The following COL6A5 variants were observed in gnomAD, a reference collection of about 807,000 sequenced individuals.
The protein encoded by COL6A5 is collagen type VI alpha 5 chain, also known as collagen alpha-5(VI) chain.
Under a neutral mutation model 65.6 loss-of-function variants are expected in COL6A5, and 48 were observed. That is an observed-to-expected ratio of 0.73 (90% CI 0.58 to 0.93). The LOEUF (loss-of-function observed/expected upper bound fraction) is 0.93. Among genes scored for constraint, COL6A5 ranks in the 40% least tolerant of loss-of-function variants. The probability of loss-of-function intolerance (pLI) is 0.00; values close to 1 mark genes in which losing one functional copy is unlikely to be tolerated. For synonymous variants in COL6A5, 291 were observed against 322.8 expected (o/e 0.90, Z 1.05); for missense variants, 914 against 928.3 (o/e 0.98, Z 0.20).
At chr3:130,473,331 A>G (rs897005718) in intron 7 of COL6A5, among the ~76,000 whole-genome samples, 9 of 152,094 alleles carry the variant, frequency 5.9e-5, no homozygotes, top group Non-Finnish European at 1.0e-4. Flanking sequence ...GCCTAAGTAC[A>G]GGAACTGTGT....
intron 25 of COL6A5, among the ~76,000 whole-genome samples, chr3:130,420,882 GA>G (rs1937504837): frequency 6.6e-6 from 1 of 152,040 alleles, no homozygotes; most frequent in Non-Finnish European, 1.5e-5. Context: ...TTCTAGGGAA[GA>G]AACTGCCACT....
chr3:130,384,866 G>A (rs1453241), exon 5 of COL6A5: 375,958 of 1,550,262 alleles, frequency 0.24, 51,854 homozygotes, highest in East Asian at 0.54. Context: ...CAGCATCCAG[G>A]AGAAACAGTT....
At chr3:130,423,922 A>T (rs1259350243) in intron 29 of COL6A5, 22 bp downstream of exon 29, 4 of 1,519,446 alleles carry the variant, frequency 2.6e-6, no homozygotes, top group Admixed American at 3.9e-5. Context: ...CATAAGAACT[A>T]AATAGGATAT....
chr3:130,413,090 G>T (rs191930717), intron 20 of COL6A5, among the ~76,000 whole-genome samples: 2 of 152,060 alleles, frequency 1.3e-5, no homozygotes, highest in Non-Finnish European at 2.9e-5. Context: ...AGGATCTGGG[G>T]CCTGAATCCT....
At chr3:130,349,913 A>G (rs1057061452) in intron 1 of COL6A5, among the ~76,000 whole-genome samples, 17 of 152,182 alleles carry the variant, frequency 1.1e-4, no homozygotes, top group Non-Finnish European at 1.9e-4. Flanking sequence ...CCTTCTTGGC[A>G]TGGAACTCCT....
chr3:130,385,866 A>G (rs996431847), intron 5 of COL6A5, among the ~76,000 whole-genome samples: 2 of 152,080 alleles, frequency 1.3e-5, no homozygotes, highest in African/African-American at 2.4e-5. Context: ...GAGAATCCTT[A>G]TAAGTTGAGC....
chr3:130,416,145 C>A (rs77178989), intron 23 of COL6A5, among the ~76,000 whole-genome samples: 4,894 of 152,182 alleles, frequency 0.032, 100 homozygotes, highest in South Asian at 0.083. Context: ...TCTTGAATTC[C>A]CCATCTGAAC....
intron 1 of COL6A5, among the ~76,000 whole-genome samples, chr3:130,362,646 T>C (rs1030586110): frequency 2.0e-5 from 3 of 152,194 alleles, no homozygotes; most frequent in Admixed American, 6.5e-5. Context: ...AACTTTAGAA[T>C]CAGTTTGTCA....
exon 8 of COL6A5, chr3:130,395,159 C>T: frequency 2.6e-6 from 4 of 1,551,616 alleles, no homozygotes; most frequent in African/African-American, 1.4e-5. Context: ...TGACTTTGCC[C>T]TTAAAAAAGT....
At chr3:130,413,450 C>A in intron 20 of COL6A5, 95 bp from the exon 21 acceptor site, 2 of 1,171,732 alleles carry the variant, frequency 1.7e-6, no homozygotes, top group South Asian at 1.3e-5. Flanking sequence ...CTGCTCATTA[C>A]TTATGTCTAG....
exon 6 of COL6A5, chr3:130,388,678 C>G: frequency 6.4e-7 from 1 of 1,551,032 alleles, no homozygotes; most frequent in Non-Finnish European, 8.7e-7. Flanking sequence ...CATGAAAAAC[C>G]TGTTAACTAA....
At chr3:130,408,379 C>T (rs1244190804) in intron 17 of COL6A5, among the ~76,000 whole-genome samples, 4 of 152,044 alleles carry the variant, frequency 2.6e-5, no homozygotes, top group African/African-American at 9.7e-5. Context: ...TCCTGCAACG[C>T]CCCCAGGCTT....
chr3:130,439,243 T>G (rs1011668430), intron 1 of COL6A5, among the ~76,000 whole-genome samples: 3 of 152,070 alleles, frequency 2.0e-5, no homozygotes, highest in African/African-American at 7.2e-5. Context: ...GTGAATCTGG[T>G]CAGGTTATCT....
chr3:130,402,137 A>G (rs1936837532), intron 12 of COL6A5, among the ~76,000 whole-genome samples: 1 of 152,198 alleles, frequency 6.6e-6, no homozygotes, highest in South Asian at 2.1e-4. Context: ...AGGTGGTAAG[A>G]AGTAAAAAAT....
At chr3:130,415,690 G>A in exon 23 of COL6A5, 1 of 1,548,220 alleles carries the variant, frequency 6.5e-7, no homozygotes, top group Non-Finnish European at 8.7e-7. Context: ...AGGAAGCCAG[G>A]GGCAGAAAGG....
At chr3:130,379,517 C>T (rs1021341499) in exon 4 of COL6A5, 2 of 1,551,398 alleles carry the variant, frequency 1.3e-6, no homozygotes, top group Admixed American at 2.0e-5. Context: ...CATCTTCAGA[C>T]CTTCCTTGAG....
upstream of COL6A5, among the ~76,000 whole-genome samples, chr3:130,430,352 C>A (rs1192705812): frequency 6.6e-6 from 1 of 152,030 alleles, no homozygotes; most frequent in Admixed American, 6.5e-5. Flanking sequence ...TGGTAAAATT[C>A]TTTGATTCAA....
chr3:130,484,196 TG>T (rs901836248), exon 8 of COL6A5: 13 of 717,694 alleles, frequency 1.8e-5, no homozygotes, highest in Non-Finnish European at 2.3e-5. Flanking sequence ...ATGCTAAATT[TG>T]TTCTCCATCT....
chr3:130,385,289 GTTAGC>G (rs1295634975), exon 5 of COL6A5: 16 of 1,550,834 alleles, frequency 1.0e-5, no homozygotes, highest in African/African-American at 1.4e-5. Flanking sequence ...AGAAGAAAGG[GTTAGC>G]TTTGGGCAGA....
Sources: allele counts gnomAD v4.1 joint callset (sites outside exome capture counted in the v4.1 genomes callset), GRCh38; gene constraint gnomAD v4.1.1; transcripts MANE v1.5; gene names NCBI Gene and HGNC (gene_info 2026-07-23, HGNC 2026-07-21).